Variants in GYPE observed in about 807,000 individuals in gnomAD.
GYPE encodes glycophorin E (MNS blood group).
In GYPE, 8 loss-of-function variants were observed where a neutral mutation model predicts 11.6. The ratio of observed to expected loss-of-function variants is 0.69; its 90% CI spans 0.41 to 1.25. The LOEUF is 1.25. GYPE is among the 50% of genes most tolerant of loss of function. The pLI is 0.01. For synonymous variants in GYPE, 28 were observed against 29.6 expected (o/e 0.94, Z 0.18); for missense variants, 90 against 92.8 (o/e 0.97, Z 0.12).
At chr4:143,875,868 G>A (rs1283523427) in intron 3 of GYPE, among the ~76,000 whole-genome samples, 6 of 151,938 alleles carry the variant, frequency 3.9e-5, no homozygotes, top group African/African-American at 1.5e-4. Context: ...CAACTACTGT[G>A]GAGGCTGAAG....
intron 1 of GYPE, among the ~76,000 whole-genome samples, chr4:143,895,441 A>C (rs1366989259): frequency 6.6e-6 from 1 of 151,322 alleles, no homozygotes; most frequent in Non-Finnish European, 1.5e-5. Context: ...TAGGAATCCA[A>C]CTTACAAGGG....
At position 143,897,913 on chromosome 4, in the gene GYPE, G is replaced by T. The variant is rs546840065; in HGVS notation, c.37+7558C>A. On this transcript the variant is annotated intron_variant, in intron 1 of 3. Transcript: ENST00000358615. ...CTATATACTTTAGAAACACATGAAAGGATAAGTGCAAATAAAACATAGTAT... is the reference window on the plus strand; with the variant it reads ...CTATATACTTTAGAAACACATGAAATGATAAGTGCAAATAAAACATAGTAT... 3.9e-5 allele frequency among the ~76,000 whole-genome samples: 6 copies of T among 152,234 alleles called. No individual in the cohort carries two copies. The South Asian group carries it at 1.2e-3, about 32-fold the overall frequency.
At position 143,880,471 on chromosome 4, in the gene GYPE, C is replaced by A; in HGVS notation, c.76G>T (p.Ala26Ser). The A allele has an allele frequency of 1.9e-6, 3 of 1,613,982 alleles. No individual in the cohort carries two copies. The highest frequency in any genetic ancestry group is 2.5e-6 in the Non-Finnish European group (3 of 1,179,856). The change falls in exon 2 of 4, where the codon GCA (alanine) becomes TCA (serine). Residue 26 changes from alanine (A) to serine (S), a missense_variant. Transcript: ENST00000358615. ...GAAGAAGAGGTTGAAGTGTGCATTG[C>A]CACACCAGTGGTACTTGATGCTGAT... Reference protein sequence around the residue: ...SISASSTTGVAMHTSTSSSVT... With the variant: ...SISASSTTGVSMHTSTSSSVT...
chr4:143,878,668 C>A (rs1465016904), intron 2 of GYPE: 1 of 490,342 alleles, frequency 2.0e-6, no homozygotes, highest in East Asian at 6.0e-5. Flanking sequence ...GACAAGTTGT[C>A]CCCTTTCTCC....
At position 143,871,133 on chromosome 4, in the gene GYPE, T is replaced by G. The variant is rs1336295590; in HGVS notation, c.*1129A>C. 6.6e-6 allele frequency: 1 copy of G among 150,986 alleles called. No individual in the cohort carries two copies. Among genetic ancestry groups the G allele is most frequent in the Non-Finnish European group, 1.5e-5 (1 of 68,008 alleles). The allele number at this position is 150,986 out of a possible 1,614,324, so 9.4% of individuals were successfully genotyped here. A position where few individuals can be genotyped will look rare whatever the true frequency, so the allele number is the denominator to read the frequency against. ...CCCACTGGGTTCCTCCCATGACATG[T>G]GGGGATTATTGGAACTACAATTCAA... On this transcript the variant is annotated 3_prime_UTR_variant, in exon 4 of 4. Coordinates refer to ENST00000358615, the MANE Select transcript of GYPE (RefSeq NM_198682.3).
intron 1 of GYPE, among the ~76,000 whole-genome samples, chr4:143,896,956 A>G (rs1744672615): frequency 6.7e-6 from 1 of 150,128 alleles, no homozygotes; most frequent in South Asian, 2.2e-4. Flanking sequence ...GAACTGAACA[A>G]TGAGAACACA....
intron 1 of GYPE, among the ~76,000 whole-genome samples, chr4:143,901,129 A>C (rs527952823): frequency 6.6e-6 from 1 of 152,246 alleles, no homozygotes; most frequent in Non-Finnish European, 1.5e-5. Context: ...AAATCTAGGG[A>C]TGGAAATACC....
intron 1 of GYPE, among the ~76,000 whole-genome samples, chr4:143,900,887 C>T (rs577977667): frequency 3.2e-4 from 49 of 152,238 alleles, no homozygotes; most frequent in Admixed American, 6.5e-4. Context: ...TGAAAATGTT[C>T]TGGAGCTACA....
At chr4:143,875,694 G>C (rs1371839498) in intron 3 of GYPE, among the ~76,000 whole-genome samples, 1 of 152,108 alleles carries the variant, frequency 6.6e-6, no homozygotes, top group Non-Finnish European at 1.5e-5. Flanking sequence ...TTGGGGCCAG[G>C]CGCAGTGGCT....
At chr4:143,892,874 T>C (rs1258428951) in intron 1 of GYPE, among the ~76,000 whole-genome samples, 2 of 150,806 alleles carry the variant, frequency 1.3e-5, no homozygotes, top group African/African-American at 2.4e-5. Context: ...TTGTTAACTT[T>C]CTGTCTCATT....
Position 143,876,766 on chromosome 4 carries a change from A to G in GYPE, c.226T>C (p.Cys76Arg), listed in dbSNP as rs747249021. ...VVGMIILISY[C>R]IR Reference sequence around the variant, plus strand: ...CTCACCTTTATCAGTCATCGAATACAGTAAGAAATTAAGATGATCATTCCA... The same window carrying G: ...CTCACCTTTATCAGTCATCGAATACGGTAAGAAATTAAGATGATCATTCCA... Residue 76 changes from cysteine (C) to arginine (R), a missense_variant, in exon 3 of 4, where the codon TGT becomes CGT. Coordinates refer to ENST00000358615, the MANE Select transcript of GYPE (RefSeq NM_198682.3). The G allele has an allele frequency of 1.3e-6, 2 of 1,591,598 alleles. No individual in the cohort carries two copies. Among genetic ancestry groups the G allele is most frequent in the East Asian group, 2.2e-5 (1 of 44,624 alleles).
Position 143,876,866 on chromosome 4 carries a change from T to C in GYPE, c.137-11A>G. ...TAATGAGTGTTATCCCTACAGGAGATAAAGAGAGCGGCAAAATTATGAAAG... is the reference window on the plus strand; with the variant it reads ...TAATGAGTGTTATCCCTACAGGAGACAAAGAGAGCGGCAAAATTATGAAAG... On this transcript the variant is annotated splice_polypyrimidine_tract_variant and intron_variant, in intron 2 of 3. Coordinates refer to ENST00000358615, the MANE Select transcript of GYPE (RefSeq NM_198682.3). The C allele has an allele frequency of 3.3e-6, 5 of 1,525,732 alleles. No homozygotes were observed. The highest frequency in any genetic ancestry group is 4.5e-6 in the Non-Finnish European group (5 of 1,100,612). 94.5% of individuals were successfully genotyped at this position (1,525,732 alleles called of 1,614,324 possible).
rs1379220278 is a variant in GYPE at position 143,887,103 on chromosome 4, GTACA to G, written c.38-6598_38-6595del. Among the ~76,000 whole-genome samples, 4 of 9,198 alleles carry G rather than the reference GTACA, an allele frequency of 4.3e-4. 1 individual carries two copies. Among genetic ancestry groups the G allele is most frequent in the African/African-American group, 4.6e-4 (4 of 8,718 alleles). The allele number at this position is 9,198 out of a possible 152,430, so 6.0% of individuals were successfully genotyped here. A position where few individuals can be genotyped will look rare whatever the true frequency, so the allele number is the denominator to read the frequency against. On this transcript the variant is annotated intron_variant, in intron 1 of 3. Transcript: ENST00000358615. ...TAGTCAGCAAGCATTGGGGCATATT[GTACA>G]TACAAAAAAGGACAGCTAAATTCCT...
chr4:143,884,956 A>G (rs1744178829), intron 1 of GYPE, among the ~76,000 whole-genome samples: 2 of 150,032 alleles, frequency 1.3e-5, no homozygotes, highest in South Asian at 2.1e-4. Flanking sequence ...TTATTTAGGG[A>G]AAATCACTGT....
intron 1 of GYPE, among the ~76,000 whole-genome samples, chr4:143,902,435 G>A (rs552477887): frequency 1.3e-5 from 2 of 151,998 alleles, no homozygotes; most frequent in South Asian, 4.2e-4. Flanking sequence ...GATGCACAGG[G>A]CAATAATGAT....
chr4:143,891,692 C>G (rs1354293322), intron 1 of GYPE, among the ~76,000 whole-genome samples: 2 of 152,066 alleles, frequency 1.3e-5, no homozygotes, highest in Non-Finnish European at 2.9e-5. Context: ...GTATACAAAA[C>G]TAGGGTGCCG....
In GYPE at chr4:143,889,376, C is replaced by A. The variant is rs569744413; in HGVS notation, c.38-8867G>T. Reference sequence around the variant, plus strand: ...GGAAATCAAGATGAATTTCTGTCCACTGTCCCAGTGGGAAAGGAGAGCAGA... The same window carrying A: ...GGAAATCAAGATGAATTTCTGTCCAATGTCCCAGTGGGAAAGGAGAGCAGA... On this transcript the variant is annotated intron_variant, in intron 1 of 3. Transcript: ENST00000358615. Among the ~76,000 whole-genome samples, 903 of 152,194 alleles carry A rather than the reference C, an allele frequency of 5.9e-3. 17 individuals carry two copies. The highest frequency in any genetic ancestry group is 0.021 in the African/African-American group (863 of 41,490).
At chr4:143,882,964 TGG>T (rs1383539649) in intron 1 of GYPE, among the ~76,000 whole-genome samples, 3 of 152,174 alleles carry the variant, frequency 2.0e-5, no homozygotes, top group Middle Eastern at 3.2e-3. Context: ...CAAATTCTTA[TGG>T]AGAAAGAATT....
intron 1 of GYPE, among the ~76,000 whole-genome samples, chr4:143,882,309 T>TTAAG (rs530779315): frequency 1.3e-5 from 2 of 149,846 alleles, no homozygotes. Flanking sequence ...GTTCAACAAA[T>TTAAG]ATTAAAATTA....
Sources: gnomAD v4.1 joint callset for allele counts (sites outside exome capture counted in the v4.1 genomes callset) on GRCh38, gnomAD v4.1.1 for gene constraint, MANE v1.5 for transcripts, NCBI Gene and HGNC (gene_info 2026-07-23, HGNC 2026-07-21) for gene names.